The following TRAPPC6A variants were observed in gnomAD, a reference collection of about 807,000 sequenced individuals.
TRAPPC6A encodes trafficking protein particle complex subunit 6A.
Under a neutral mutation model 20.8 loss-of-function variants are expected in TRAPPC6A, and 25 were observed. The observed-to-expected ratio is 1.20, with a 90% CI of 0.88 to 1.68. The LOEUF (loss-of-function observed/expected upper bound fraction) is 1.68, where lower values mean the gene tolerates loss of function less well. TRAPPC6A is among the 40% of genes most tolerant of loss of function. The pLI, the probability that TRAPPC6A is intolerant of heterozygous loss-of-function variation, is 0.00. For synonymous variants in TRAPPC6A, 96 were observed against 93.3 expected (o/e 1.03, Z -0.16); for missense variants, 215 against 211.6 (o/e 1.02, Z -0.10).
intron 1 of TRAPPC6A, among the ~76,000 whole-genome samples, chr19:45,170,341 C>A (rs1348495704): frequency 1.3e-5 from 2 of 152,192 alleles, no homozygotes; most frequent in African/African-American, 4.8e-5. Context: ...CAGCGACTGC[C>A]AAGAGGGAGG....
At chr19:45,167,030 C>T (rs1038863857) in intron 1 of TRAPPC6A, among the ~76,000 whole-genome samples, 3 of 152,162 alleles carry the variant, frequency 2.0e-5, no homozygotes, top group Non-Finnish European at 4.4e-5. Context: ...TACCGACTTC[C>T]TTCCCTTCCT....
chr19:45,163,086 T>G lies in TRAPPC6A; in HGVS notation c.*106A>C, dbSNP rs1185265961. On this transcript the variant is annotated 3_prime_UTR_variant, in exon 6 of 6. Coordinates refer to ENST00000585934, the MANE Select transcript of TRAPPC6A (RefSeq NM_001270891.2). This position sits in a 1 kb window ranked among gnomAD's most constrained non-coding sequence, Gnocchi z 5.3. ...CCACTTCCTGAGCAAATGTGACCCCTAGGGCCTGGGATTCCCAAGACCACC... is the reference window on the plus strand; with the variant it reads ...CCACTTCCTGAGCAAATGTGACCCCGAGGGCCTGGGATTCCCAAGACCACC... 3 of 1,383,036 alleles carry G rather than the reference T, an allele frequency of 2.2e-6. No homozygotes were observed. Among genetic ancestry groups the G allele is most frequent in the Non-Finnish European group, 3.0e-6 (3 of 989,756 alleles). 85.7% of individuals were successfully genotyped at this position (1,383,036 alleles called of 1,614,324 possible).
intron 1 of TRAPPC6A, 177 bp downstream of exon 1, chr19:45,177,958 C>T (rs1430396848): frequency 1.6e-6 from 2 of 1,219,154 alleles, no homozygotes; most frequent in Non-Finnish European, 1.1e-6. Context: ...TTAGCAATAA[C>T]CCCGAGCCGG....
At chr19:45,176,771 C>T (rs1262984313) in intron 1 of TRAPPC6A, among the ~76,000 whole-genome samples, 2 of 151,962 alleles carry the variant, frequency 1.3e-5, no homozygotes, top group Admixed American at 6.6e-5. Context: ...CGGTGGCTCA[C>T]GCCTGTAATC....
chr19:45,170,075 G>A (rs1407587272), intron 1 of TRAPPC6A, among the ~76,000 whole-genome samples: 4 of 152,176 alleles, frequency 2.6e-5, no homozygotes, highest in South Asian at 2.1e-4. Flanking sequence ...GGAGGGGGCC[G>A]GAGGTGGCAG....
intron 3 of TRAPPC6A, 129 bp downstream of exon 3, chr19:45,164,724 T>C (rs1023863130): frequency 1.2e-5 from 10 of 834,328 alleles, no homozygotes; most frequent in African/African-American, 1.7e-5. Flanking sequence ...GAGCAAGAGC[T>C]GCGGCCGCCT....
Position 45,163,278 on chromosome 19 carries a change from AC to A in TRAPPC6A, c.449-56del. ...GGATGGGATGGGGGAGGCAGAGGGC[AC>A]CTGGACGGCTCTTAGGCGCTCACCC... On this transcript the variant is annotated intron_variant, in intron 5 of 5. Transcript: ENST00000585934. This position sits in a 1 kb window ranked among gnomAD's most constrained non-coding sequence, Gnocchi z 5.3. The A allele has an allele frequency of 1.9e-6, 3 of 1,600,480 alleles. No homozygotes were observed. Among genetic ancestry groups the A allele is most frequent in the Non-Finnish European group, 2.6e-6 (3 of 1,169,330 alleles).
Position 45,163,802 on chromosome 19 carries a change from G to A in TRAPPC6A, c.448+114C>T, listed in dbSNP as rs1440357152. 7 of 911,780 alleles carry A rather than the reference G, an allele frequency of 7.7e-6. No homozygotes were observed. The African/African-American group carries it at 1.2e-4, about 15-fold the overall frequency. 56.5% of individuals were successfully genotyped at this position (911,780 alleles called of 1,614,324 possible). A position where few individuals can be genotyped will look rare whatever the true frequency, so the allele number is the denominator to read the frequency against. ...CCTGCACCAGCCGTGTGGCTGAGCA[G>A]GTGACTTAAAACTGGGCCTGCCTCC... On this transcript the variant is annotated intron_variant, in intron 5 of 5. Coordinates refer to ENST00000585934, the MANE Select transcript of TRAPPC6A (RefSeq NM_001270891.2). The surrounding 1 kb of genome is among the most constrained non-coding windows in gnomAD (Gnocchi z 5.3).
rs1780590183 is a variant in TRAPPC6A, at chr19:45,163,054, T to A, written c.*138A>T. On this transcript the variant is annotated 3_prime_UTR_variant, in exon 6 of 6. Coordinates refer to ENST00000585934, the MANE Select transcript of TRAPPC6A (RefSeq NM_001270891.2). The surrounding 1 kb of genome is among the most constrained non-coding windows in gnomAD (Gnocchi z 5.3). ...CCTCCTCTGACACCCCCACCTCAAT[T>A]TGATACCCACTTCCTGAGCAAATGT... The A allele has an allele frequency of 1.0e-6, 1 of 998,398 alleles. No individual in the cohort carries two copies. The highest frequency in any genetic ancestry group is 2.4e-5 in the Admixed American group (1 of 41,418). 61.8% of individuals were successfully genotyped at this position (998,398 alleles called of 1,614,324 possible).
chr19:45,165,787 C>T (rs569352094), intron 1 of TRAPPC6A, among the ~76,000 whole-genome samples: 1 of 152,254 alleles, frequency 6.6e-6, no homozygotes, highest in South Asian at 2.1e-4. Context: ...GGAGGGTAGG[C>T]CAGGGTCCAT....
Position 45,170,667 on chromosome 19 carries a change from TC to T in TRAPPC6A, c.85-5474del, listed in dbSNP as rs375504987. 2.7e-3 allele frequency among the ~76,000 whole-genome samples: 405 copies of T among 152,310 alleles called. 3 individuals are homozygous for T. Among genetic ancestry groups the T allele is most frequent in the African/African-American group, 9.3e-3 (385 of 41,568 alleles). ...TGACCTTGGGCAGATTAGCCAACCA[TC>T]CCGTGCCTCAGTTTCCCCACATGTG... On this transcript the variant is annotated intron_variant, in intron 1 of 5. Coordinates refer to ENST00000585934, the MANE Select transcript of TRAPPC6A (RefSeq NM_001270891.2).
intron 1 of TRAPPC6A, 66 bp from the exon 2 acceptor site, chr19:45,165,260 G>T: frequency 6.7e-7 from 1 of 1,497,842 alleles, no homozygotes; most frequent in Non-Finnish European, 9.1e-7. Context: ...CACCCAGGGG[G>T]GGACCTGCCA....
In TRAPPC6A at chr19:45,176,319, C is replaced by T. The variant is rs1363365028; in HGVS notation, c.84+1816G>A. On this transcript the variant is annotated intron_variant, in intron 1 of 5. Transcript: ENST00000585934. ...ATACAAAAAAAAAAAACAAAATTAG[C>T]CGGGTGTGGTGGCAGGCACCTGTAG... is the stretch of plus-strand genomic sequence containing the variant. Among the ~76,000 whole-genome samples the T allele has an allele frequency of 5.9e-5, 9 of 151,342 alleles. No individual in the cohort carries two copies. In the South Asian group the frequency reaches 1.7e-3, roughly 28 times the overall value.
chr19:45,170,596 C>T (rs1969248757), intron 1 of TRAPPC6A, among the ~76,000 whole-genome samples: 1 of 152,220 alleles, frequency 6.6e-6, no homozygotes, highest in Admixed American at 6.5e-5. Context: ...TCATGAACTT[C>T]ACACTGCCTG....
chr19:45,163,884 T>G lies in TRAPPC6A; in HGVS notation c.448+32A>C. 1.1e-5 allele frequency: 17 copies of G among 1,495,886 alleles called. No individual in the cohort carries two copies. The highest frequency in any genetic ancestry group is 2.8e-5 in the African/African-American group (2 of 72,144). 92.7% of individuals were successfully genotyped at this position (1,495,886 alleles called of 1,614,324 possible). On this transcript the variant is annotated intron_variant, in intron 5 of 5. Coordinates refer to ENST00000585934, the MANE Select transcript of TRAPPC6A (RefSeq NM_001270891.2). The surrounding 1 kb of genome is among the most constrained non-coding windows in gnomAD (Gnocchi z 5.3). ...CTGAAGCCCCCAGCAACTCAAGGGA[T>G]GAGAAGAATCCCCCCACCCCCCATG...
rs1464936730 is a variant in TRAPPC6A at position 45,165,206 on chromosome 19, G to A, written c.85-12C>T. On this transcript the variant is annotated splice_polypyrimidine_tract_variant and intron_variant, in intron 1 of 5. Transcript: ENST00000585934. ...CTCATCTTCTGTCCCTAGAAGGCCA[G>A]GGGAGAGATGCTCAGGGGCCCTTAG... 6.3e-7 allele frequency: 1 copy of A among 1,588,812 alleles called. No homozygotes were observed. Among genetic ancestry groups the A allele is most frequent in the Non-Finnish European group, 8.6e-7 (1 of 1,168,042 alleles).
chr19:45,170,866 G>A (rs1327207829), intron 1 of TRAPPC6A, among the ~76,000 whole-genome samples: 3 of 152,226 alleles, frequency 2.0e-5, no homozygotes, highest in Non-Finnish European at 4.4e-5. Flanking sequence ...AAAGGGAGGG[G>A]CCGAGGAGGA....
chr19:45,174,693 G>A (rs947443571), intron 1 of TRAPPC6A, among the ~76,000 whole-genome samples: 20 of 152,176 alleles, frequency 1.3e-4, no homozygotes, highest in African/African-American at 4.6e-4. Context: ...GCAGGGTATG[G>A]TTGTGTGCAC....
chr19:45,175,787 A>G (rs1969359205), intron 1 of TRAPPC6A, among the ~76,000 whole-genome samples: 1 of 151,264 alleles, frequency 6.6e-6, no homozygotes, highest in African/African-American at 2.5e-5. Context: ...TTGGGACTCC[A>G]GGGTTTCTCG....
Sources: allele counts gnomAD v4.1 joint callset (sites outside exome capture counted in the v4.1 genomes callset), GRCh38; gene constraint gnomAD v4.1.1; non-coding constraint Gnocchi (gnomAD v3.1); transcripts MANE v1.5; gene names NCBI Gene and HGNC (gene_info 2026-07-23, HGNC 2026-07-21).